Variants in USH2A observed in about 807,000 individuals in gnomAD.
USH2A encodes the protein usherin, also known as Usher syndrome 2A (autosomal recessive, mild).
A neutral mutation model predicts 538.9 loss-of-function variants in USH2A; 443 were observed. That is an observed-to-expected ratio of 0.82 (90% CI 0.76 to 0.89). USH2A has a LOEUF of 0.89. USH2A is among the 40% of genes least tolerant of loss of function. The pLI is 0.00. For missense variants in USH2A, 6,633 were observed against 6,324.8 expected, an observed-to-expected ratio of 1.05 and a Z score of -1.65; for synonymous variants, 2,413 against 2,273.5, an observed-to-expected ratio of 1.06 and a Z score of -1.75.
rs1009059859 is a variant in USH2A, at chr1:215,623,214, C to A, written c.*2567G>T. On this transcript the variant is annotated 3_prime_UTR_variant, in exon 72 of 72. Coordinates refer to ENST00000307340, the MANE Select transcript of USH2A (RefSeq NM_206933.4). Reference sequence around the variant, plus strand: ...TTAAGAATAACAAAACATGGTAGTTCGTAAGCTGAGAATGTGGCATGTACA... The same window carrying A: ...TTAAGAATAACAAAACATGGTAGTTAGTAAGCTGAGAATGTGGCATGTACA... 1 of 151,906 alleles carries A rather than the reference C, an allele frequency of 6.6e-6. No individual in the cohort carries two copies. 9.4% of individuals were successfully genotyped at this position (151,906 alleles called of 1,614,324 possible).
At chr1:216,122,427 T>C (rs1335734061) in intron 21 of USH2A, among the ~76,000 whole-genome samples, 1 of 152,164 alleles carries the variant, frequency 6.6e-6, no homozygotes, top group African/African-American at 2.4e-5. Context: ...GCCAGCATAA[T>C]TTGGCACAAG....
intron 3 of USH2A, among the ~76,000 whole-genome samples, chr1:216,412,030 T>C (rs1280209377): frequency 6.6e-6 from 1 of 152,174 alleles, no homozygotes; most frequent in Non-Finnish European, 1.5e-5. Flanking sequence ...TTTGATTGCT[T>C]ATCCTCTGAA....
intron 56 of USH2A, 143 bp from the exon 57 acceptor site, chr1:215,759,986 T>C: frequency 2.3e-6 from 2 of 864,520 alleles, no homozygotes; most frequent in Non-Finnish European, 3.6e-6. Context: ...AAATACATAA[T>C]TGGTGTAAAT....
intron 32 of USH2A, among the ~76,000 whole-genome samples, chr1:216,009,986 C>G (rs951437647): frequency 6.6e-6 from 1 of 152,182 alleles, no homozygotes; most frequent in Non-Finnish European, 1.5e-5. Context: ...AGAAGCTTTA[C>G]AGCCCTAGAC....
Position 215,690,286 on chromosome 1 carries a change from A to G in USH2A, c.12067-9910T>C, listed in dbSNP as rs1658559296. 4.6e-5 allele frequency among the ~76,000 whole-genome samples: 7 copies of G among 152,264 alleles called. No individual in the cohort carries two copies. In the South Asian group the frequency reaches 1.5e-3, roughly 32 times the overall value. ...AGACCTCTCCATAGGCATCTGTGGTAGGGACACTAAGGTGGCTGGCCATCC... is the reference window on the plus strand; with the variant it reads ...AGACCTCTCCATAGGCATCTGTGGTGGGGACACTAAGGTGGCTGGCCATCC... On this transcript the variant is annotated intron_variant, in intron 61 of 71. Coordinates refer to ENST00000307340, the MANE Select transcript of USH2A (RefSeq NM_206933.4).
chr1:216,243,179 T>G (rs2035969195), intron 13 of USH2A, among the ~76,000 whole-genome samples: 1 of 152,204 alleles, frequency 6.6e-6, no homozygotes, highest in Non-Finnish European at 1.5e-5. Context: ...GCAGTGAGTC[T>G]ATAAGGCAAA....
intron 43 of USH2A, among the ~76,000 whole-genome samples, chr1:215,872,447 T>G (rs1664647916): frequency 6.6e-6 from 1 of 152,002 alleles, no homozygotes; most frequent in Admixed American, 6.6e-5. Flanking sequence ...TGTTGCTATC[T>G]ATATCTACAC....
intron 61 of USH2A, among the ~76,000 whole-genome samples, chr1:215,709,425 C>T (rs897408752): frequency 2.0e-5 from 3 of 151,958 alleles, no homozygotes; most frequent in Admixed American, 1.3e-4. Context: ...GTTTGGAGAT[C>T]GCTGACCTGT....
intron 21 of USH2A, among the ~76,000 whole-genome samples, chr1:216,161,449 AT>A (rs1291560695): frequency 6.6e-6 from 1 of 152,058 alleles, no homozygotes; most frequent in Non-Finnish European, 1.5e-5. Flanking sequence ...CTTTTTAGGA[AT>A]TTTACCACAG....
chr1:216,354,417 C>T (rs189613372), intron 4 of USH2A, among the ~76,000 whole-genome samples: 101 of 152,090 alleles, frequency 6.6e-4, no homozygotes, highest in African/African-American at 2.4e-3. Flanking sequence ...GCAGACATGG[C>T]CCAGATGTTG....
intron 32 of USH2A, among the ~76,000 whole-genome samples, chr1:216,004,975 T>C (rs2102486867): frequency 6.6e-6 from 1 of 152,310 alleles, no homozygotes; most frequent in East Asian, 1.9e-4. Flanking sequence ...ATTTTCCCAA[T>C]GAAGAAAACA....
chr1:216,212,680 T>G (rs946566049), intron 15 of USH2A, among the ~76,000 whole-genome samples: 1 of 42,878 alleles, frequency 2.3e-5, no homozygotes, highest in African/African-American at 1.1e-4. Flanking sequence ...GGTGTGTGTG[T>G]GTTTGTGTGT....
intron 37 of USH2A, among the ~76,000 whole-genome samples, chr1:215,955,097 C>T (rs1188977125): frequency 2.0e-5 from 3 of 152,078 alleles, no homozygotes; most frequent in East Asian, 3.8e-4. Context: ...TATACTTTTA[C>T]TTTAATAATT....
At chr1:215,999,222 C>T (rs1292819436) in intron 33 of USH2A, among the ~76,000 whole-genome samples, 164 bp from the exon 34 acceptor site, 1 of 152,068 alleles carries the variant, frequency 6.6e-6, no homozygotes, top group Non-Finnish European at 1.5e-5. Flanking sequence ...TTATCCAATG[C>T]CTATTCTGAG....
chr1:215,977,008 G>A (rs556204962), intron 35 of USH2A, among the ~76,000 whole-genome samples: 12 of 136,500 alleles, frequency 8.8e-5, no homozygotes, highest in East Asian at 2.0e-4. Flanking sequence ...CTTTTTTTTC[G>A]GCGGGGTAGG....
chr1:215,865,927 ATC>A (rs960990562), intron 44 of USH2A, among the ~76,000 whole-genome samples: 12 of 152,226 alleles, frequency 7.9e-5, no homozygotes, highest in African/African-American at 2.9e-4. Context: ...TAAATGGAGC[ATC>A]TCTCTTCTTA....
chr1:216,399,817 C>A lies in USH2A; in HGVS notation c.651+18697G>T, dbSNP rs368422216. Among the ~76,000 whole-genome samples, 19 of 152,268 alleles carry A rather than the reference C, an allele frequency of 1.2e-4. No homozygotes were observed. In the East Asian group the frequency reaches 3.5e-3, roughly 28 times the overall value. On this transcript the variant is annotated intron_variant, in intron 3 of 71. Transcript: ENST00000307340. ...GAAGCTGAAGTTTCACCCTACCCAT[C>A]TGCTGCAGTGTGAGTCAGTGCTCCA...
At chr1:215,805,609 C>CA (rs1209886350) in intron 49 of USH2A, among the ~76,000 whole-genome samples, 2 of 151,832 alleles carry the variant, frequency 1.3e-5, no homozygotes, top group East Asian at 1.9e-4. Context: ...TACTTTACCA[C>CA]AAAAAAGTCC....
intron 48 of USH2A, 64 bp from the exon 49 acceptor site, chr1:215,813,968 C>T: frequency 8.5e-6 from 13 of 1,520,784 alleles, no homozygotes; most frequent in Non-Finnish European, 1.1e-5. Flanking sequence ...ACCACTGTAT[C>T]TCATGTAATA....
Sources: gnomAD v4.1 joint callset for allele counts (sites outside exome capture counted in the v4.1 genomes callset) on GRCh38, gnomAD v4.1.1 for gene constraint, MANE v1.5 for transcripts, NCBI Gene and HGNC (gene_info 2026-07-23, HGNC 2026-07-21) for gene names.